The following ZAR1 variants were observed in gnomAD, a reference collection of about 807,000 sequenced individuals.
The protein encoded by ZAR1 is zygote arrest 1.
Under a neutral mutation model 38.3 loss-of-function variants are expected in ZAR1, and 37 were observed. The ratio of observed to expected loss-of-function variants is 0.97; its 90% CI spans 0.74 to 1.27. ZAR1 has a LOEUF of 1.27. Among genes scored for constraint, ZAR1 ranks in the 50% most tolerant of loss-of-function variants. The pLI is 0.00. For missense variants in ZAR1, 651 were observed against 632.4 expected (o/e 1.03, Z -0.32); for synonymous variants, 336 against 292.0 (o/e 1.15, Z -1.53).
intron 1 of ZAR1, among the ~76,000 whole-genome samples, chr4:48,492,255 TTAAG>T (rs746635132): frequency 2.3e-4 from 35 of 152,202 alleles, no homozygotes; most frequent in African/African-American, 5.1e-4. Context: ...GAAGGGAAGT[TTAAG>T]TAACACTACT....
Position 48,490,501 on chromosome 4 carries a change from G to C in ZAR1, c.210G>C (p.Thr70=), listed in dbSNP as rs758462005. The stretch of plus-strand genomic sequence containing the variant: ...CCTTCCCGGGCTGCGGGCGGCTGAC[G>C]GCCGCCGAGTACTTCGACAGCTACC... ...SLSFPGCGRL[T]AAEYFDSYQR... is the part of the protein sequence containing the mutation. Residue 70 remains threonine (T), a synonymous_variant, in exon 1 of 4, where the codon ACG becomes ACC. Transcript: ENST00000327939. The C allele has an allele frequency of 2.7e-6, 4 of 1,470,906 alleles. No homozygotes were observed. In the Admixed American group the frequency reaches 7.5e-5, roughly 28 times the overall value. The allele number at this position is 1,470,906 out of a possible 1,614,324, so 91.1% of individuals were successfully genotyped here.
At chr4:48,492,408 C>G (rs1448908513) in intron 1 of ZAR1, among the ~76,000 whole-genome samples, 1 of 152,126 alleles carries the variant, frequency 6.6e-6, no homozygotes, top group Non-Finnish European at 1.5e-5. Flanking sequence ...TCTTATTTTT[C>G]TTCAGCTTAA....
intron 1 of ZAR1, among the ~76,000 whole-genome samples, chr4:48,492,104 C>T (rs1159184655): frequency 6.6e-6 from 1 of 152,180 alleles, no homozygotes; most frequent in Admixed American, 6.5e-5. Flanking sequence ...TGTGTGTGAT[C>T]TTAGGCCAGT....
Position 48,490,554 on chromosome 4 carries a change from C to G in ZAR1, c.263C>G (p.Ala88Gly). ...YQRERLMALL[A>G]QVGPGLGPRA... ...CGGGAGCGGCTCATGGCTCTCCTGG[C>G]GCAGGTGGGGCCGGGTCTCGGGCCG... Residue 88 changes from alanine (A) to glycine (G), a missense_variant, in exon 1 of 4, where the codon GCG becomes GGG. Physicochemically the swap from Ala to Gly is moderately conservative, Grantham distance 60. Coordinates refer to ENST00000327939, the MANE Select transcript of ZAR1 (RefSeq NM_175619.3). 1 of 1,442,090 alleles carries G rather than the reference C, an allele frequency of 6.9e-7. No individual in the cohort carries two copies. Among genetic ancestry groups the G allele is most frequent in the Non-Finnish European group, 9.0e-7 (1 of 1,107,082 alleles). The allele number at this position is 1,442,090 out of a possible 1,614,324, so 89.3% of individuals were successfully genotyped here. A position where few individuals can be genotyped will look rare whatever the true frequency, so the allele number is the denominator to read the frequency against.
chr4:48,490,768 C>T lies in ZAR1; in HGVS notation c.477C>T (p.Gly159=). The stretch of plus-strand genomic sequence containing the variant: ...TCTCCCAGCAGCCATCCCGTCGAGG[C>T]CTGGAGCAGGGCAGCCCCCAGAACG... ...GSFSQQPSRR[G]LEQGSPQNGA... is the part of the protein sequence containing the mutation. Residue 159 remains glycine (G), a synonymous_variant, in exon 1 of 4, where the codon GGC becomes GGT. Coordinates refer to ENST00000327939, the MANE Select transcript of ZAR1 (RefSeq NM_175619.3). 6.8e-7 allele frequency: 1 copy of T among 1,472,418 alleles called. No individual in the cohort carries two copies. The highest frequency in any genetic ancestry group is 1.3e-5 in the South Asian group (1 of 75,678). 91.2% of individuals were successfully genotyped at this position (1,472,418 alleles called of 1,614,324 possible).
Position 48,490,931 on chromosome 4 carries a change from G to A in ZAR1, c.640G>A (p.Gly214Arg). Reference protein sequence around the residue: ...QRSGASDGERGPPPARLQGPE... With the variant: ...QRSGASDGERRPPPARLQGPE... ...GTCCGGGGCGTCGGACGGAGAGAGG[G>A]GGCCGCCGCCCGCGCGGCTTCAAGG... Residue 214 changes from glycine (G) to arginine (R), a missense_variant, in exon 1 of 4, where the codon GGG (glycine) becomes AGG (arginine). Gly to Arg is a moderately radical substitution (Grantham distance 125). Coordinates refer to ENST00000327939, the MANE Select transcript of ZAR1 (RefSeq NM_175619.3). The A allele has an allele frequency of 7.4e-7, 1 of 1,345,052 alleles. No individual in the cohort carries two copies. The highest frequency in any genetic ancestry group is 9.5e-7 in the Non-Finnish European group (1 of 1,053,240). The allele number at this position is 1,345,052 out of a possible 1,614,324, so 83.3% of individuals were successfully genotyped here. A position where few individuals can be genotyped will look rare whatever the true frequency, so the allele number is the denominator to read the frequency against.
At chr4:48,492,908 A>AT (rs1417501384) in intron 2 of ZAR1, 30 bp from the exon 3 acceptor site, 1 of 1,614,014 alleles carries the variant, frequency 6.2e-7, no homozygotes, top group African/African-American at 1.3e-5. Flanking sequence ...TGTCAAGGCG[A>AT]TTTTAAGTTT....
intron 3 of ZAR1, among the ~76,000 whole-genome samples, 155 bp downstream of exon 3, chr4:48,493,167 C>T (rs1483852868): frequency 6.6e-6 from 1 of 152,168 alleles, no homozygotes; most frequent in African/African-American, 2.4e-5. Context: ...AGCTGGGAAA[C>T]GGGGCCTTGG....
chr4:48,497,308 G>T (rs368744848), downstream of ZAR1: 10 of 152,130 alleles, frequency 6.6e-5, no homozygotes, highest in African/African-American at 1.9e-4. Flanking sequence ...AGTGTAGGTT[G>T]GAGGAAAATG....
At chr4:48,493,087 CAA>C in intron 3 of ZAR1, 75 bp downstream of exon 3, 1 of 1,373,826 alleles carries the variant, frequency 7.3e-7, no homozygotes, top group Non-Finnish European at 1.0e-6. Context: ...AGTATACTTC[CAA>C]AAAGAGGCCA....
intron 3 of ZAR1, 83 bp from the exon 4 acceptor site, chr4:48,494,018 G>T: frequency 1.3e-6 from 2 of 1,512,872 alleles, no homozygotes; most frequent in South Asian, 2.5e-5. Flanking sequence ...TTAAGTACTT[G>T]AATGGACTAG....
At chr4:48,493,715 TG>T (rs1718508521) in intron 3 of ZAR1, among the ~76,000 whole-genome samples, 1 of 152,204 alleles carries the variant, frequency 6.6e-6, no homozygotes, top group South Asian at 2.1e-4. Context: ...AAACTAAGTA[TG>T]GAAAGCCACT....
At chr4:48,497,533 ATCAT>A (rs1358291538), downstream of ZAR1, 4 of 152,638 alleles carry the variant, frequency 2.6e-5, no homozygotes, top group South Asian at 4.1e-4. Context: ...GCACACTGTA[ATCAT>A]TCATTCTTTG....
chr4:48,496,393 A>G (rs576233418), downstream of ZAR1, among the ~76,000 whole-genome samples: 40 of 147,850 alleles, frequency 2.7e-4, no homozygotes, highest in Non-Finnish European at 5.4e-4. Context: ...TATTTGCTCA[A>G]TGAATGAGTG....
intron 1 of ZAR1, among the ~76,000 whole-genome samples, chr4:48,491,904 G>A (rs1462862440): frequency 1.3e-5 from 2 of 152,248 alleles, no homozygotes; most frequent in Admixed American, 6.5e-5. Context: ...GGCACGCAGA[G>A]GGCAGTTGTG....
At chr4:48,497,163 T>C (rs1187930428), downstream of ZAR1, among the ~76,000 whole-genome samples, 1 of 152,092 alleles carries the variant, frequency 6.6e-6, no homozygotes, top group Non-Finnish European at 1.5e-5. Context: ...AATGATAAAT[T>C]TAGTGGGCAA....
At chr4:48,496,008 A>G (rs1718589234), downstream of ZAR1, among the ~76,000 whole-genome samples, 1 of 152,178 alleles carries the variant, frequency 6.6e-6, no homozygotes, top group Non-Finnish European at 1.5e-5. Flanking sequence ...AGGGAACACC[A>G]TGGCCTCAAG....
chr4:48,492,439 G>A (rs1188947202), intron 1 of ZAR1, among the ~76,000 whole-genome samples: 1 of 152,168 alleles, frequency 6.6e-6, no homozygotes, highest in African/African-American at 2.4e-5. Context: ...CATAGTCTAA[G>A]ATCAGGCTTT....
chr4:48,492,965 T>G lies in ZAR1; in HGVS notation c.1084T>G (p.Cys362Gly). The change falls in exon 3 of 4, where the codon TGT becomes GGT. Residue 362 changes from cysteine (C) to glycine (G), a missense_variant. This residue lies in a region of ZAR1 where 129 missense variants were observed against 172.5 expected (regional missense o/e 0.75). Coordinates refer to ENST00000327939, the MANE Select transcript of ZAR1 (RefSeq NM_175619.3). The stretch of plus-strand genomic sequence containing the variant: ...TTACTTCAAACAGTTTTGCAGAACT[T>G]GTCAGAAGTCTTATAACCCTTACCG... ...KVYFKQFCRT[C>G]QKSYNPYRVE... The G allele has an allele frequency of 6.2e-7, 1 of 1,614,238 alleles. No homozygotes were observed. Among genetic ancestry groups the G allele is most frequent in the Non-Finnish European group, 8.5e-7 (1 of 1,180,034 alleles).
Sources: allele counts gnomAD v4.1 joint callset (sites outside exome capture counted in the v4.1 genomes callset), GRCh38; gene constraint gnomAD v4.1.1; regional missense constraint gnomAD v4.1.1; transcripts MANE v1.5; gene names NCBI Gene and HGNC (gene_info 2026-07-23, HGNC 2026-07-21).